The following ZBBX variants were observed in gnomAD, a reference collection of about 807,000 sequenced individuals.
ZBBX encodes the protein zinc finger B-box domain containing, also known as zinc finger B-box domain-containing protein 1.
ZBBX carries 101 observed loss-of-function variants against 108.5 expected under a neutral mutation model. That is an observed-to-expected ratio of 0.93 (90% CI 0.79 to 1.10). The LOEUF (loss-of-function observed/expected upper bound fraction) is 1.10. Ranked by LOEUF, ZBBX falls within the 50% of genes least tolerant of loss-of-function variation. ZBBX has a pLI of 0.00. For missense variants in ZBBX, 1,009 were observed against 941.4 expected, an observed-to-expected ratio of 1.07 and a Z score of -0.94; for synonymous variants, 356 against 323.4, an observed-to-expected ratio of 1.10 and a Z score of -1.08.
At chr3:167,330,092 A>G (rs1738169229) in intron 10 of ZBBX, among the ~76,000 whole-genome samples, 1 of 152,222 alleles carries the variant, frequency 6.6e-6, no homozygotes, top group Non-Finnish European at 1.5e-5. Context: ...TCAGTGGAAG[A>G]TAGATTTTTA....
chr3:167,397,142 T>TA (rs61671930), intron 1 of ZBBX, among the ~76,000 whole-genome samples: 1,833 of 72,378 alleles, frequency 0.025, 79 homozygotes, highest in East Asian at 0.046. Context: ...TTCTTGGTGG[T>TA]AAAAAAAAAA....
At chr3:167,219,104 T>C in the ZBBX span, among the ~76,000 whole-genome samples, 1 of 152,032 alleles carries the variant, frequency 6.6e-6, no homozygotes, top group Non-Finnish European at 1.5e-5. Context: ...GTTTAATATG[T>C]TCACAACACT....
At chr3:167,270,836 T>G (rs1232833802) in intron 20 of ZBBX, among the ~76,000 whole-genome samples, 4 of 152,208 alleles carry the variant, frequency 2.6e-5, no homozygotes, top group Non-Finnish European at 5.9e-5. Flanking sequence ...CTACTGATAA[T>G]TCACTCAACC....
rs953723126 is a variant in ZBBX at position 167,299,393 on chromosome 3, A to G, written c.1726-935T>C. Among the ~76,000 whole-genome samples the G allele has an allele frequency of 3.9e-5, 6 of 152,088 alleles. No homozygotes were observed. The East Asian group carries it at 1.2e-3, about 29-fold the overall frequency. Reference sequence around the variant, plus strand: ...ATCGAAATCAAAATTCTCAGCACATATCCCCTGGCCCTCCCAGACACCAAT... The same window carrying G: ...ATCGAAATCAAAATTCTCAGCACATGTCCCCTGGCCCTCCCAGACACCAAT... On this transcript the variant is annotated intron_variant, in intron 17 of 21. Coordinates refer to ENST00000675490, the MANE Select transcript of ZBBX (RefSeq NM_001199201.2).
At chr3:167,243,525 A>T (rs1721041869) in intron 20 of ZBBX, among the ~76,000 whole-genome samples, 1 of 151,828 alleles carries the variant, frequency 6.6e-6, no homozygotes, top group Admixed American at 6.6e-5. Flanking sequence ...CAGCCTCCCA[A>T]CTAGCTGGGA....
chr3:167,325,737 A>T (rs1226977789), intron 11 of ZBBX, among the ~76,000 whole-genome samples: 1 of 152,154 alleles, frequency 6.6e-6, no homozygotes. Flanking sequence ...ATTGAGAGTA[A>T]TGTTGTATAC....
At chr3:167,188,448 C>T in the ZBBX span, among the ~76,000 whole-genome samples, 6 of 151,860 alleles carry the variant, frequency 4.0e-5, no homozygotes, top group African/African-American at 1.5e-4. Context: ...AAGAGGGGCA[C>T]TAAAATTTTC....
intron 6 of ZBBX, among the ~76,000 whole-genome samples, chr3:167,365,072 A>G (rs1363358238): frequency 2.0e-5 from 3 of 151,804 alleles, no homozygotes; most frequent in Non-Finnish European, 4.4e-5. Context: ...TTCTAGTGAG[A>G]TAAGTTTTTT....
intron 19 of ZBBX, among the ~76,000 whole-genome samples, chr3:167,286,586 T>C (rs1175759377): frequency 1.3e-5 from 2 of 152,126 alleles, no homozygotes; most frequent in African/African-American, 4.8e-5. Flanking sequence ...ACAAATGGCT[T>C]GGACTAATCT....
chr3:167,179,203 G>T, the ZBBX span, among the ~76,000 whole-genome samples: 1 of 152,172 alleles, frequency 6.6e-6, no homozygotes, highest in African/African-American at 2.4e-5. Flanking sequence ...AGGGAACATG[G>T]GTGACACCCA....
At position 167,348,261 on chromosome 3, in the gene ZBBX, G is replaced by GGGAAGGAAGGAAGGAAGGAAGGAAGGAA. The variant is rs71176640; in HGVS notation, c.528+2131_528+2158dup. On this transcript the variant is annotated intron_variant, in intron 9 of 21. Coordinates refer to ENST00000675490, the MANE Select transcript of ZBBX (RefSeq NM_001199201.2). ...AGGAAGGGAGGGAGGGAGGGTGGAAGGGAAGGAAGGAAGGAAGGAAGGAAG... is the reference window on the plus strand; with the variant it reads ...AGGAAGGGAGGGAGGGAGGGTGGAAGGGAAGGAAGGAAGGAAGGAAGGAAGGAAGGAAGGAAGGAAGGAAGGAAGGAAG... Among the ~76,000 whole-genome samples, 29 of 74,730 alleles carry GGGAAGGAAGGAAGGAAGGAAGGAAGGAA rather than the reference G, an allele frequency of 3.9e-4. 1 individual carries two copies. Among genetic ancestry groups the GGGAAGGAAGGAAGGAAGGAAGGAAGGAA allele is most frequent in the East Asian group, 2.0e-3 (4 of 2,050 alleles). The allele number at this position is 74,730 out of a possible 152,430, so 49.0% of individuals were successfully genotyped here. A position where few individuals can be genotyped will look rare whatever the true frequency, so the allele number is the denominator to read the frequency against.
At chr3:167,248,670 T>G (rs1220093449) in intron 20 of ZBBX, 4 of 456,494 alleles carry the variant, frequency 8.8e-6, no homozygotes, top group Non-Finnish European at 1.8e-5. Flanking sequence ...AAACAAGGTT[T>G]GAAGGATTCA....
intron 20 of ZBBX, among the ~76,000 whole-genome samples, chr3:167,263,035 CTTT>C (rs59613369): frequency 3.5e-4 from 30 of 84,864 alleles, no homozygotes; most frequent in Middle Eastern, 8.2e-3. Context: ...TTTTCTAGTT[CTTT>C]TTTTTTTTTT....
chr3:167,231,582 T>C, the ZBBX span, among the ~76,000 whole-genome samples: 3 of 151,920 alleles, frequency 2.0e-5, no homozygotes, highest in East Asian at 5.8e-4. Flanking sequence ...ATAGACTTTC[T>C]TTTGAGAAAT....
chr3:167,317,519 A>C lies in ZBBX; in HGVS notation c.1062T>G (p.Cys354Trp), dbSNP rs1278722947. Residue 354 changes from cysteine to tryptophan, a missense_variant, in exon 13 of 22, where the codon TGT becomes TGG. By Grantham distance (215) the Cys-to-Trp change is radical (BLOSUM62 -2). Transcript: ENST00000675490. The stretch of plus-strand genomic sequence containing the variant: ...TATCTTCATCGTTTTCATTTTGAGA[A>C]CACTGTGCATCACCAGTGGTTTCAT... ...HPHETTGDAQ[C>W]SQNENDEDSD... The C allele has an allele frequency of 6.2e-7, 1 of 1,610,110 alleles. No individual in the cohort carries two copies. Among genetic ancestry groups the C allele is most frequent in the Admixed American group, 1.7e-5 (1 of 59,324 alleles).
chr3:167,329,148 T>G (rs1264055156), intron 10 of ZBBX, among the ~76,000 whole-genome samples: 1 of 152,010 alleles, frequency 6.6e-6, no homozygotes, highest in Non-Finnish European at 1.5e-5. Flanking sequence ...AAAATATAAA[T>G]CCAGTCCAAG....
At chr3:167,336,276 A>T (rs1739537748) in intron 9 of ZBBX, among the ~76,000 whole-genome samples, 1 of 152,062 alleles carries the variant, frequency 6.6e-6, no homozygotes, top group Admixed American at 6.6e-5. Context: ...CACATTTTTT[A>T]TGCTAAAAAA....
At chr3:167,265,570 TC>T (rs1725315867) in intron 20 of ZBBX, among the ~76,000 whole-genome samples, 1 of 152,176 alleles carries the variant, frequency 6.6e-6, no homozygotes. Context: ...GTGCAAGCTC[TC>T]CCTTAGCTGT....
chr3:167,307,690 C>A (rs1003518051), intron 16 of ZBBX, among the ~76,000 whole-genome samples: 13 of 152,056 alleles, frequency 8.5e-5, no homozygotes, highest in Admixed American at 2.6e-4. Flanking sequence ...CTTCAACAAA[C>A]CTGACAAAAA....
Sources: gnomAD v4.1 joint callset for allele counts (sites outside exome capture counted in the v4.1 genomes callset) on GRCh38, gnomAD v4.1.1 for gene constraint, MANE v1.5 for transcripts, NCBI Gene and HGNC (gene_info 2026-07-23, HGNC 2026-07-21) for gene names.